Variants in FAM118B observed in about 807,000 individuals in gnomAD.
FAM118B encodes SIR2 antiphage like 1.
Under a neutral mutation model 38.5 loss-of-function variants are expected in FAM118B, and 24 were observed. The ratio of observed to expected loss-of-function variants is 0.62; its 90% confidence interval spans 0.45 to 0.88. FAM118B has a LOEUF of 0.88. Among genes scored for constraint, FAM118B ranks in the 40% least tolerant of loss-of-function variants. The pLI is 0.00. For missense variants in FAM118B, 334 were observed against 420.0 expected (o/e 0.80, Z 1.79); for synonymous variants, 138 against 156.3 (o/e 0.88, Z 0.87).
Position 126,261,412 on chromosome 11 carries a change from G to A in FAM118B, c.983-13G>A, listed in dbSNP as rs1010270217. ...TTTCAGTCTAATGTCTGATGCTGAT[G>A]TCCTCTATTTAGCAGGGATGGTGAG... On this transcript the variant is annotated splice_polypyrimidine_tract_variant and intron_variant, in intron 7 of 8. Coordinates refer to ENST00000533050, the MANE Select transcript of FAM118B (RefSeq NM_024556.4). The A allele has an allele frequency of 3.7e-6, 6 of 1,612,440 alleles. No individual in the cohort carries two copies. Among genetic ancestry groups the A allele is most frequent in the Non-Finnish European group, 5.1e-6 (6 of 1,178,702 alleles).
intron 3 of FAM118B, among the ~76,000 whole-genome samples, chr11:126,239,514 A>T (rs1204326756): frequency 1.3e-5 from 2 of 152,202 alleles, no homozygotes; most frequent in Non-Finnish European, 2.9e-5. Flanking sequence ...TGCTTCTAAC[A>T]TCTATTATTA....
chr11:126,222,789 T>A (rs1006581996), intron 1 of FAM118B, among the ~76,000 whole-genome samples: 3 of 152,228 alleles, frequency 2.0e-5, no homozygotes, highest in African/African-American at 7.2e-5. Context: ...ATGTTTGAAC[T>A]TCTTCTGCAC....
chr11:126,236,778 C>T (rs930574857), intron 3 of FAM118B, among the ~76,000 whole-genome samples: 3 of 143,948 alleles, frequency 2.1e-5, no homozygotes, highest in Non-Finnish European at 3.1e-5. Context: ...CCCCCCATTT[C>T]GTTTTCTTAA....
intron 4 of FAM118B, among the ~76,000 whole-genome samples, chr11:126,245,498 CTT>C (rs1950407699): frequency 6.6e-6 from 1 of 152,022 alleles, no homozygotes; most frequent in South Asian, 2.1e-4. Context: ...CATGATGAGA[CTT>C]TGAAACGGAA....
In FAM118B at chr11:126,240,792, G is replaced by A; in HGVS notation, c.87G>A (p.Arg29=). 1 of 1,599,654 alleles carries A rather than the reference G, an allele frequency of 6.3e-7. No homozygotes were observed. Among genetic ancestry groups the A allele is most frequent in the South Asian group, 1.1e-5 (1 of 89,602 alleles). ...CCTCTCATTTGTTTTGCTTTTATAG[G>A]AAGCTGCTTCCAAGCTTAAAAACTA... ...NDGEPPTKKP[R]KLLPSLKTKK... Residue 29 remains arginine (R), a splice_region_variant and synonymous_variant, in exon 4 of 9, where the codon AGG becomes AGA. Transcript: ENST00000533050.
intron 4 of FAM118B, among the ~76,000 whole-genome samples, chr11:126,248,358 CTTT>C (rs1167017613): frequency 2.7e-5 from 1 of 36,966 alleles, no homozygotes; most frequent in East Asian, 1.2e-3. Flanking sequence ...TAGTAGTTGA[CTTT>C]TTTTTTTTTT....
chr11:126,254,063 C>T (rs1207298603), intron 5 of FAM118B, among the ~76,000 whole-genome samples: 1 of 152,200 alleles, frequency 6.6e-6, no homozygotes, highest in African/African-American at 2.4e-5. Flanking sequence ...CAAATTATGA[C>T]AAATTGTGAT....
chr11:126,245,979 G>C (rs1327742307), intron 4 of FAM118B, among the ~76,000 whole-genome samples: 2 of 149,766 alleles, frequency 1.3e-5, no homozygotes, highest in African/African-American at 4.9e-5. Flanking sequence ...CTGGGCAACA[G>C]GTACGAGACT....
intron 7 of FAM118B, among the ~76,000 whole-genome samples, chr11:126,259,378 A>C (rs1950634780): frequency 6.6e-6 from 1 of 152,284 alleles, no homozygotes; most frequent in African/African-American, 2.4e-5. Flanking sequence ...TGGGAAAAAG[A>C]AAAATAATTC....
intron 1 of FAM118B, among the ~76,000 whole-genome samples, chr11:126,222,548 T>G (rs1261472817): frequency 6.6e-6 from 1 of 152,238 alleles, no homozygotes; most frequent in Non-Finnish European, 1.5e-5. Flanking sequence ...AATTTCTTGT[T>G]GTTAGGAAGG....
At chr11:126,249,199 A>G (rs897367625) in intron 4 of FAM118B, among the ~76,000 whole-genome samples, 13 of 151,980 alleles carry the variant, frequency 8.6e-5, no homozygotes, top group Admixed American at 7.9e-4. Context: ...ACATAGCCAG[A>G]CCTCACATCT....
intron 2 of FAM118B, among the ~76,000 whole-genome samples, chr11:126,232,013 A>G (rs1485307987): frequency 1.3e-5 from 2 of 152,164 alleles, no homozygotes; most frequent in African/African-American, 4.8e-5. Context: ...CCTTTCTAGA[A>G]TGCAGGCACT....
At chr11:126,212,886 C>T (rs756427411) in intron 1 of FAM118B, among the ~76,000 whole-genome samples, 3 of 152,034 alleles carry the variant, frequency 2.0e-5, no homozygotes, top group Admixed American at 6.6e-5. Flanking sequence ...CAGAGAGACT[C>T]CTTGAAAGTG....
chr11:126,232,000 T>C (rs983967112), intron 2 of FAM118B, among the ~76,000 whole-genome samples: 2 of 152,156 alleles, frequency 1.3e-5, no homozygotes, highest in African/African-American at 4.8e-5. Context: ...TTCAAGTAAA[T>C]CTCCTTTCTA....
At chr11:126,223,743 A>G (rs1486045130) in intron 1 of FAM118B, among the ~76,000 whole-genome samples, 2 of 152,198 alleles carry the variant, frequency 1.3e-5, no homozygotes, top group Non-Finnish European at 2.9e-5. Flanking sequence ...TCCCCTAAGA[A>G]TCAACCCTTA....
intron 1 of FAM118B, among the ~76,000 whole-genome samples, chr11:126,215,320 C>T (rs1202059108): frequency 1.3e-5 from 2 of 152,174 alleles, no homozygotes; most frequent in African/African-American, 4.8e-5. Flanking sequence ...CTGGATTCTG[C>T]TCTTGTCCCC....
At chr11:126,247,384 A>AGCTTAAATAG (rs1164726587) in intron 4 of FAM118B, among the ~76,000 whole-genome samples, 2 of 152,194 alleles carry the variant, frequency 1.3e-5, no homozygotes. Context: ...AGGATTTAGT[A>AGCTTAAATAG]GCTTAAATAG....
Position 126,254,318 on chromosome 11 carries a change from C to A in FAM118B, c.581C>A (p.Ala194Asp). The change falls in exon 6 of 9, where the codon GCT becomes GAT. Residue 194 changes from alanine to aspartate, a missense_variant. By Grantham distance (126) the Ala-to-Asp change is moderately radical. Transcript: ENST00000533050. ...TGTGTTGTGCAGGTCCTCGAGTGGGCTCAGGAGAAGCGTAAGCTGAGCGTG... is the reference window on the plus strand; with the variant it reads ...TGTGTTGTGCAGGTCCTCGAGTGGGATCAGGAGAAGCGTAAGCTGAGCGTG... ...LTDEKKVLEWAQEKRKLSVLH... is the reference protein window; with the variant it reads ...LTDEKKVLEWDQEKRKLSVLH... 6.2e-7 allele frequency: 1 copy of A among 1,614,092 alleles called. No homozygotes were observed. Among genetic ancestry groups the A allele is most frequent in the Non-Finnish European group, 8.5e-7 (1 of 1,179,972 alleles).
At chr11:126,217,977 T>C (rs544229122) in intron 1 of FAM118B, among the ~76,000 whole-genome samples, 17 of 152,342 alleles carry the variant, frequency 1.1e-4, no homozygotes, top group African/African-American at 3.8e-4. Context: ...CTATCTCTGG[T>C]GTTCTGCAGT....
Sources: allele counts gnomAD v4.1 joint callset (sites outside exome capture counted in the v4.1 genomes callset), GRCh38; gene constraint gnomAD v4.1.1; transcripts MANE v1.5; gene names NCBI Gene and HGNC (gene_info 2026-07-23, HGNC 2026-07-21).